RNASEH2A: variants seen among roughly 807,000 people sequenced by gnomAD.
The protein encoded by RNASEH2A is RNase H(35).
RNASEH2A carries 30 observed loss-of-function variants against 32.7 expected under a neutral mutation model. The ratio of observed to expected loss-of-function variants is 0.92; its 90% CI spans 0.69 to 1.25. The LOEUF (loss-of-function observed/expected upper bound fraction) is 1.25. Ranked by LOEUF, RNASEH2A falls within the 50% of genes most tolerant of loss-of-function variation. The pLI is 0.00. For missense variants in RNASEH2A, 409 were observed against 398.1 expected (o/e 1.03, Z -0.23); for synonymous variants, 147 against 165.4 (o/e 0.89, Z 0.86).
Position 12,810,304 on chromosome 19 carries a change from G to C in RNASEH2A, c.550-13G>C, listed in dbSNP as rs560268310. Reference sequence around the variant, plus strand: ...GGAAGGAGGGAGATTCCAGGTGCCTGTTTTGCCCACAGGTGGCCCGGGACC... The same window carrying C: ...GGAAGGAGGGAGATTCCAGGTGCCTCTTTTGCCCACAGGTGGCCCGGGACC... On this transcript the variant is annotated splice_polypyrimidine_tract_variant and intron_variant, in intron 5 of 7. Coordinates refer to ENST00000221486, the MANE Select transcript of RNASEH2A (RefSeq NM_006397.3). 5 of 1,614,170 alleles carry C rather than the reference G, an allele frequency of 3.1e-6. No homozygotes were observed. The highest frequency in any genetic ancestry group is 2.7e-5 in the African/African-American group (2 of 75,046).
At position 12,811,236 on chromosome 19, in the gene RNASEH2A, T is replaced by C. The variant is rs117230329; in HGVS notation, c.637+832T>C. ...ATTCCAGGCCATAGGATTGCTGCTG[T>C]CTTCCCCGCTTCCCACTTTGCTGTC... On this transcript the variant is annotated intron_variant, in intron 6 of 7. Transcript: ENST00000221486. Among the ~76,000 whole-genome samples, 6 of 152,310 alleles carry C rather than the reference T, an allele frequency of 3.9e-5. No homozygotes were observed. The East Asian group carries it at 1.2e-3, about 29-fold the overall frequency.
chr19:12,806,878 A>G, intron 1 of RNASEH2A, 78 bp downstream of exon 1: 1 of 1,596,418 alleles, frequency 6.3e-7, no homozygotes, highest in Non-Finnish European at 8.5e-7. Flanking sequence ...GCACTGCACC[A>G]AGGGAGGGGA....
At chr19:12,809,969 G>T in intron 4 of RNASEH2A, 102 bp from the exon 5 acceptor site, 1 of 1,455,476 alleles carries the variant, frequency 6.9e-7, no homozygotes. Flanking sequence ...GGACGTGCTG[G>T]AGAAGAGGAT....
rs528209678 is a variant in RNASEH2A, at chr19:12,813,559, A to G, written c.*93A>G. ...CGTAGGGGATGTACTTTTGGGACAG[A>G]AGCAAGGTGGGAGTGTGCTCTGCAG... is the stretch of plus-strand genomic sequence containing the variant. On this transcript the variant is annotated 3_prime_UTR_variant, in exon 8 of 8. Transcript: ENST00000221486. 1.9e-6 allele frequency: 3 copies of G among 1,547,642 alleles called. No homozygotes were observed. The East Asian group carries it at 6.7e-5, about 35-fold the overall frequency.
intron 4 of RNASEH2A, among the ~76,000 whole-genome samples, chr19:12,809,630 G>T (rs1482347583): frequency 6.6e-6 from 1 of 152,072 alleles, no homozygotes; most frequent in African/African-American, 2.4e-5. Flanking sequence ...TTGTGCTAAC[G>T]CACTCTACCA....
In RNASEH2A at chr19:12,813,369, T is replaced by C. The variant is rs369098182; in HGVS notation, c.803T>C (p.Ile268Thr). ...GAGAATCAGGAGGGACTCAGGAAGA[T>C]CACATCCTACTTCCTCAATGAAGGG... is the stretch of plus-strand genomic sequence containing the variant. ...ASENQEGLRK[I>T]TSYFLNEGSQ... Residue 268 changes from isoleucine (I) to threonine (T), a missense_variant, in exon 8 of 8, where the codon ATC (isoleucine) becomes ACC (threonine). Transcript: ENST00000221486. 5.0e-6 allele frequency: 8 copies of C among 1,613,964 alleles called. No homozygotes were observed. The Admixed American group carries it at 6.7e-5, about 13-fold the overall frequency.
In RNASEH2A at chr19:12,810,110, G is replaced by A. The variant is rs761198813; in HGVS notation, c.451G>A (p.Ala151Thr). The A allele has an allele frequency of 6.2e-7, 1 of 1,614,208 alleles. No individual in the cohort carries two copies. Among genetic ancestry groups the A allele is most frequent in the Non-Finnish European group, 8.5e-7 (1 of 1,180,042 alleles). The part of the protein sequence containing the change: ...DTVGMPETYQ[A>T]RLQQSFPGIE... ...CGTAGGGATGCCAGAGACATACCAG[G>A]CGCGGCTGCAGCAAAGTTTTCCCGG... The change falls in exon 5 of 8, where the codon GCG (alanine) becomes ACG (threonine). Residue 151 changes from alanine (A) to threonine (T), a missense_variant. Transcript: ENST00000221486.
At chr19:12,809,063 C>T (rs1969036291) in intron 4 of RNASEH2A, among the ~76,000 whole-genome samples, 1 of 151,256 alleles carries the variant, frequency 6.6e-6, no homozygotes, top group African/African-American at 2.4e-5. Context: ...CGTTCAGGGC[C>T]TAGCCTGGGC....
intron 6 of RNASEH2A, 131 bp from the exon 7 acceptor site, chr19:12,812,952 C>T (rs1052165705): frequency 1.6e-6 from 2 of 1,274,214 alleles, no homozygotes; most frequent in Non-Finnish European, 2.2e-6. Context: ...TTGCAGTGAG[C>T]TGAGATCGCG....
chr19:12,813,008 A>G, intron 6 of RNASEH2A, 75 bp from the exon 7 acceptor site: 2 of 1,395,692 alleles, frequency 1.4e-6, no homozygotes, highest in African/African-American at 1.7e-5. Flanking sequence ...CATCTCAAAG[A>G]AAAAAAAAAG....
rs1568386452 is a variant in RNASEH2A at position 12,806,756 on chromosome 19, C to A, written c.83C>A (p.Pro28His). 6.3e-7 allele frequency: 1 copy of A among 1,575,146 alleles called. No homozygotes were observed. Among genetic ancestry groups the A allele is most frequent in the Non-Finnish European group, 8.6e-7 (1 of 1,160,188 alleles). ...GTGCCCGCGGTGTGCCGCAAGGAGC[C>A]TTGCGTCCTGGGCGTCGATGAGGCG... Reference protein sequence around the residue: ...SPVPAVCRKEPCVLGVDEAGR... With the variant: ...SPVPAVCRKEHCVLGVDEAGR... The change falls in exon 1 of 8, where the codon CCT becomes CAT. Residue 28 changes from proline (P) to histidine (H), a missense_variant. Pro to His is a moderately conservative substitution (Grantham distance 77). Transcript: ENST00000221486.
At chr19:12,809,098 G>A (rs1969036535) in intron 4 of RNASEH2A, among the ~76,000 whole-genome samples, 3 of 152,036 alleles carry the variant, frequency 2.0e-5, no homozygotes, top group Non-Finnish European at 4.4e-5. Context: ...CTGGAGGTTG[G>A]GCGCAGTAGC....
intron 6 of RNASEH2A, among the ~76,000 whole-genome samples, chr19:12,812,775 G>T (rs149498578): frequency 1.2e-3 from 183 of 152,230 alleles, no homozygotes; most frequent in African/African-American, 4.4e-3. Context: ...GGGAGGCCGA[G>T]GGGGGTAGAT....
chr19:12,809,951 C>T, intron 4 of RNASEH2A, 120 bp from the exon 5 acceptor site: 1 of 1,290,276 alleles, frequency 7.8e-7, no homozygotes, highest in Non-Finnish European at 1.1e-6. Flanking sequence ...CTGATTGATC[C>T]ATCCTGGGGA....
chr19:12,811,481 G>T (rs1031679782), intron 6 of RNASEH2A, among the ~76,000 whole-genome samples: 6 of 152,036 alleles, frequency 3.9e-5, no homozygotes, highest in Non-Finnish European at 2.9e-5. Context: ...TTATAGTGGT[G>T]CCCACCTGTA....
In RNASEH2A at chr19:12,807,439, C is replaced by T. The variant is rs1969011038; in HGVS notation, c.344C>T (p.Ser115Phe). ...MLGRVKYNLN[S>F]LSHDTATGLI... ...CACAGGGTCAAATACAACCTGAACT[C>T]CCTGTCACATGATACAGCCACTGGG... Residue 115 changes from serine (S) to phenylalanine (F), a missense_variant, in exon 4 of 8, where the codon TCC (serine) becomes TTC (phenylalanine). By Grantham distance (155) the Ser-to-Phe change is radical. Transcript: ENST00000221486. 1.2e-6 allele frequency: 2 copies of T among 1,614,200 alleles called. No homozygotes were observed. The highest frequency in any genetic ancestry group is 8.5e-7 in the Non-Finnish European group (1 of 1,180,036).
chr19:12,809,357 C>A (rs917825866), intron 4 of RNASEH2A, among the ~76,000 whole-genome samples: 2 of 152,218 alleles, frequency 1.3e-5, no homozygotes, highest in Admixed American at 6.5e-5. Flanking sequence ...CAGCCAAAGG[C>A]CCCCATGCAT....
At chr19:12,807,594 C>A (rs975453289) in intron 4 of RNASEH2A, 88 bp downstream of exon 4, 15 of 1,072,700 alleles carry the variant, frequency 1.4e-5, no homozygotes, top group Non-Finnish European at 2.0e-5. Context: ...GAGCCATGAT[C>A]ATGCCACAGC....
In RNASEH2A at chr19:12,813,632, G is replaced by A. The variant is rs912181913; in HGVS notation, c.*166G>A. 1 of 596,318 alleles carries A rather than the reference G, an allele frequency of 1.7e-6. No homozygotes were observed. The highest frequency in any genetic ancestry group is 1.9e-5 in the African/African-American group (1 of 53,684). The allele number at this position is 596,318 out of a possible 1,614,324, so 36.9% of individuals were successfully genotyped here. A position where few individuals can be genotyped will look rare whatever the true frequency, so the allele number is the denominator to read the frequency against. ...GGAACCTTAAATAGAATGGGTGTTG[G>A]TTGATTAATTTTATTTGGTTTGATT... On this transcript the variant is annotated 3_prime_UTR_variant, in exon 8 of 8. Coordinates refer to ENST00000221486, the MANE Select transcript of RNASEH2A (RefSeq NM_006397.3).
Sources: allele counts gnomAD v4.1 joint callset (sites outside exome capture counted in the v4.1 genomes callset), GRCh38; gene constraint gnomAD v4.1.1; transcripts MANE v1.5; gene names NCBI Gene and HGNC (gene_info 2026-07-23, HGNC 2026-07-21).